ZNF609: variants seen among roughly 807,000 people sequenced by gnomAD.
The protein encoded by ZNF609 is zinc finger protein 609.
ZNF609 carries 11 observed loss-of-function variants against 109.5 expected under a neutral mutation model. The ratio of observed to expected loss-of-function variants is 0.10; its 90% CI spans 0.06 to 0.17. The LOEUF is 0.17. Among genes scored for constraint, ZNF609 ranks in the 10% least tolerant of loss-of-function variants. ZNF609 has a pLI of 1.00. For missense variants in ZNF609, 1,559 were observed against 1,772.4 expected, an observed-to-expected ratio of 0.88 and a Z score of 2.16; for synonymous variants, 646 against 662.0, an observed-to-expected ratio of 0.98 and a Z score of 0.37.
In ZNF609 at chr15:64,674,534, C is replaced by A. The variant is rs1896780530; in HGVS notation, c.1680C>A (p.Ser560=). 1 of 1,613,940 alleles carries A rather than the reference C, an allele frequency of 6.2e-7. No individual in the cohort carries two copies. Among genetic ancestry groups the A allele is most frequent in the African/African-American group, 1.3e-5 (1 of 74,858 alleles). The change falls in exon 5 of 10, where the codon TCC becomes TCA. Residue 560 remains serine (S), a synonymous_variant. Transcript: ENST00000326648. ...GASVSQKGSL[S]PARSATPKVR... is the part of the protein sequence containing the mutation. The stretch of plus-strand genomic sequence containing the variant: ...CTGTCTCACAAAAAGGTTCCTTGTC[C>A]CCTGCCCGCTCAGCTACCCCCAAAG...
chr15:64,673,053 A>G (rs951595686), intron 4 of ZNF609, among the ~76,000 whole-genome samples: 3 of 152,080 alleles, frequency 2.0e-5, no homozygotes, highest in Admixed American at 6.6e-5. Context: ...TGAGAAACCT[A>G]TTGGAAGGAC....
chr15:64,462,339 C>T lies in ZNF609; in HGVS notation c.-128+1501C>T, dbSNP rs141675240. On this transcript the variant is annotated intron_variant, in intron 1 of 9. Transcript: ENST00000326648. Reference sequence around the variant, plus strand: ...TCAACTACGATGTTTGTTTCAGACCCTTAAGGAAGAAGACTTCAAGGGAAG... The same window carrying T: ...TCAACTACGATGTTTGTTTCAGACCTTTAAGGAAGAAGACTTCAAGGGAAG... Among the ~76,000 whole-genome samples the T allele has an allele frequency of 6.3e-4, 96 of 152,294 alleles. 4 individuals are homozygous for T. Among genetic ancestry groups the T allele is most frequent in the African/African-American group, 2.3e-3 (94 of 41,560 alleles).
At chr15:64,619,927 A>G (rs181854049) in intron 2 of ZNF609, among the ~76,000 whole-genome samples, 53 of 152,302 alleles carry the variant, frequency 3.5e-4, no homozygotes, top group Admixed American at 3.0e-3. Context: ...GTATTAGCAT[A>G]TGTTTCTCCT....
intron 3 of ZNF609, among the ~76,000 whole-genome samples, chr15:64,626,043 T>C (rs1037290476): frequency 5.3e-5 from 8 of 150,590 alleles, no homozygotes; most frequent in Non-Finnish European, 8.8e-5. Context: ...TCTCTGCAAC[T>C]CAGAATAAAT....
chr15:64,594,329 C>T lies in ZNF609; in HGVS notation c.748-28498C>T, dbSNP rs547694376. 3.3e-5 allele frequency among the ~76,000 whole-genome samples: 5 copies of T among 151,246 alleles called. No individual in the cohort carries two copies. In the East Asian group the frequency reaches 9.7e-4, roughly 29 times the overall value. On this transcript the variant is annotated intron_variant, in intron 2 of 9. Coordinates refer to ENST00000326648, the MANE Select transcript of ZNF609 (RefSeq NM_015042.2). ...AGAAAAGGCGAAGACTTGGAGAATG[C>T]TCAAAATTTTTTTTTTTTTTTGACA...
At chr15:64,537,083 TGTG>T (rs1456245348) in intron 2 of ZNF609, among the ~76,000 whole-genome samples, 2 of 149,258 alleles carry the variant, frequency 1.3e-5, no homozygotes, top group African/African-American at 5.0e-5. Context: ...ATTAGCCAGG[TGTG>T]GTGGTGGGCA....
intron 2 of ZNF609, among the ~76,000 whole-genome samples, chr15:64,538,100 C>G (rs929540504): frequency 4.0e-5 from 6 of 151,266 alleles, no homozygotes. Flanking sequence ...GAGCAAAACT[C>G]CATCTCAAAA....
chr15:64,652,632 C>T (rs1896435622), intron 3 of ZNF609, among the ~76,000 whole-genome samples: 1 of 152,108 alleles, frequency 6.6e-6, no homozygotes, highest in Non-Finnish European at 1.5e-5. Flanking sequence ...AAACAATCCT[C>T]CCACCTTGGC....
intron 1 of ZNF609, among the ~76,000 whole-genome samples, chr15:64,473,769 C>T (rs531062547): frequency 6.6e-6 from 1 of 152,076 alleles, no homozygotes; most frequent in Admixed American, 6.6e-5. Flanking sequence ...CTACGCCCAG[C>T]TAATTTTTGT....
intron 3 of ZNF609, among the ~76,000 whole-genome samples, chr15:64,634,011 G>A (rs1485993738): frequency 6.6e-6 from 1 of 152,014 alleles, no homozygotes; most frequent in African/African-American, 2.4e-5. Context: ...GTTAACTAGT[G>A]GCTTATGGTA....
chr15:64,520,101 T>A (rs1201246156), intron 2 of ZNF609, among the ~76,000 whole-genome samples: 1 of 152,212 alleles, frequency 6.6e-6, no homozygotes, highest in East Asian at 1.9e-4. Flanking sequence ...TTACAGCAGC[T>A]TTTCTACCAG....
At chr15:64,625,157 C>G (rs1486492776) in intron 3 of ZNF609, among the ~76,000 whole-genome samples, 1 of 152,152 alleles carries the variant, frequency 6.6e-6, no homozygotes, top group Non-Finnish European at 1.5e-5. Flanking sequence ...TAATGTGTAT[C>G]TTTTCTACTG....
At chr15:64,473,529 C>T (rs1031432508) in intron 1 of ZNF609, among the ~76,000 whole-genome samples, 5 of 151,778 alleles carry the variant, frequency 3.3e-5, no homozygotes, top group Non-Finnish European at 5.9e-5. Flanking sequence ...TCCTCACCAC[C>T]TCATCTGAAT....
intron 3 of ZNF609, among the ~76,000 whole-genome samples, chr15:64,665,495 T>G (rs1018715870): frequency 6.6e-6 from 1 of 152,214 alleles, no homozygotes; most frequent in Non-Finnish European, 1.5e-5. Context: ...CTCATGCCTG[T>G]AATCCCAGCT....
At chr15:64,666,416 A>G (rs907069729) in intron 3 of ZNF609, among the ~76,000 whole-genome samples, 1 of 152,244 alleles carries the variant, frequency 6.6e-6, no homozygotes, top group African/African-American at 2.4e-5. Context: ...TTAAATAAAA[A>G]TAAAAGTGAT....
Position 64,676,204 on chromosome 15 carries a change from G to A in ZNF609, c.3350G>A (p.Gly1117Asp). Residue 1117 changes from glycine to aspartate, a missense_variant, in exon 5 of 10, where the codon GGT becomes GAT. Gly to Asp is a moderately conservative substitution (Grantham distance 94, BLOSUM62 -1). Coordinates refer to ENST00000326648, the MANE Select transcript of ZNF609 (RefSeq NM_015042.2). ...LSKEASEAKT[G>D]AECGRQAEMD... ...AAGGAGGCCTCTGAGGCCAAGACAGGTGCTGAGTGTGGTCGACAGGCAGAG... is the reference window on the plus strand; with the variant it reads ...AAGGAGGCCTCTGAGGCCAAGACAGATGCTGAGTGTGGTCGACAGGCAGAG... The A allele has an allele frequency of 6.2e-7, 1 of 1,613,970 alleles. No homozygotes were observed. The highest frequency in any genetic ancestry group is 2.2e-5 in the East Asian group (1 of 44,888).
intron 1 of ZNF609, among the ~76,000 whole-genome samples, chr15:64,495,395 T>G (rs1312402667): frequency 6.6e-6 from 1 of 152,166 alleles, no homozygotes; most frequent in Non-Finnish European, 1.5e-5. Flanking sequence ...TTTTTTTGTT[T>G]GCTGGTTGAA....
At chr15:64,487,925 C>T (rs142418171) in intron 1 of ZNF609, among the ~76,000 whole-genome samples, 1,982 of 152,268 alleles carry the variant, frequency 0.013, 33 homozygotes, top group African/African-American at 0.046. Context: ...TGAACCACCG[C>T]ACCCAGCCAA....
At chr15:64,545,433 A>G (rs952012624) in intron 2 of ZNF609, among the ~76,000 whole-genome samples, 1 of 152,160 alleles carries the variant, frequency 6.6e-6, no homozygotes, top group Non-Finnish European at 1.5e-5. Context: ...TCCTGAGCTC[A>G]AGGAATTCAC....
Sources: allele counts gnomAD v4.1 joint callset (sites outside exome capture counted in the v4.1 genomes callset), GRCh38; gene constraint gnomAD v4.1.1; transcripts MANE v1.5; gene names NCBI Gene and HGNC (gene_info 2026-07-23, HGNC 2026-07-21).